ACTG1: variants seen among roughly 807,000 people sequenced by gnomAD.
The protein encoded by ACTG1 is actin, cytoplasmic 2.
Under a neutral mutation model 34.3 loss-of-function variants are expected in ACTG1, and 14 were observed. That is an observed-to-expected ratio of 0.41 (90% confidence interval 0.27 to 0.64). The LOEUF (loss-of-function observed/expected upper bound fraction) is 0.64, where lower values mean the gene tolerates loss of function less well. Ranked by LOEUF, ACTG1 falls within the 30% of genes least tolerant of loss-of-function variation. ACTG1 has a pLI of 0.33. For synonymous variants in ACTG1, 422 were observed against 213.9 expected, an observed-to-expected ratio of 1.97 and a Z score of -8.49; for missense variants, 233 against 529.5, an observed-to-expected ratio of 0.44 and a Z score of 5.50.
At position 81,511,333 on chromosome 17, in the gene ACTG1, G is replaced by C. The variant is rs782248094; in HGVS notation, c.657C>G (p.Val219=). Residue 219 remains valine, a synonymous_variant, in exon 4 of 6, where the codon GTC becomes GTG. Transcript: ENST00000573283. ...VRDIKEKLCY[V]ALDFEQEMAT... ...CCATCTCCTGCTCGAAGTCCAGGGC[G>C]ACGTAGCACAGCTTCTCCTTGATGT... 6.2e-7 allele frequency: 1 copy of C among 1,613,762 alleles called. No homozygotes were observed. The highest frequency in any genetic ancestry group is 1.3e-5 in the African/African-American group (1 of 74,938).
In ACTG1 at chr17:81,512,289, A is replaced by C. The variant is rs149682185; in HGVS notation, c.66T>G (p.Ala22=). 8.2e-5 allele frequency: 133 copies of C among 1,613,758 alleles called. No homozygotes were observed. The African/African-American group carries it at 1.6e-3, about 20-fold the overall frequency. Residue 22 remains alanine (A), a synonymous_variant, in exon 2 of 6, where the codon GCT becomes GCG. Transcript: ENST00000573283. The part of the protein sequence containing the change: ...NGSGMCKAGF[A]GDDAPRAVFP... ...ACACGGCTCGGGGAGCGTCGTCCCC[A>C]GCAAAACCAGCTTTGCACATGCCGG...
chr17:81,511,157 A>C, intron 4 of ACTG1, 31 bp downstream of exon 4: 1 of 1,613,738 alleles, frequency 6.2e-7, no homozygotes. Flanking sequence ...CGAGGATGTA[A>C]GAGTAGAAAC....
At chr17:81,511,158 G>GAGT in intron 4 of ACTG1, 30 bp downstream of exon 4, 1 of 1,613,756 alleles carries the variant, frequency 6.2e-7, no homozygotes, top group Non-Finnish European at 8.5e-7. Context: ...GAGGATGTAA[G>GAGT]AGTAGAAACC....
At position 81,510,612 on chromosome 17, in the gene ACTG1, G is replaced by GGT; in HGVS notation, c.*76_*77dup. 6.4e-7 allele frequency: 1 copy of GGT among 1,566,734 alleles called. No individual in the cohort carries two copies. The highest frequency in any genetic ancestry group is 1.4e-5 in the African/African-American group (1 of 74,012). On this transcript the variant is annotated 3_prime_UTR_variant, in exon 6 of 6. Transcript: ENST00000573283. ...TTCCAGTTTCGTGAGGCTAGCATGA[G>GGT]GTGTGTGCATTTGCCAGGGGCAAAT...
chr17:81,510,260 A>C lies in ACTG1; in HGVS notation c.*430T>G, dbSNP rs2031673146. 1.1e-5 allele frequency: 6 copies of C among 540,172 alleles called. No homozygotes were observed. The highest frequency in any genetic ancestry group is 1.9e-5 in the Non-Finnish European group (6 of 312,348). 33.5% of individuals were successfully genotyped at this position (540,172 alleles called of 1,614,324 possible). ...ACTTTCCAACCCTGACAGACCCGCA[A>C]GACAAAACAACTGGTTCTTGCCAGC... On this transcript the variant is annotated 3_prime_UTR_variant, in exon 6 of 6. Coordinates refer to ENST00000573283, the MANE Select transcript of ACTG1 (RefSeq NM_001614.5).
At chr17:81,511,159 A>G in intron 4 of ACTG1, 29 bp downstream of exon 4, 6 of 1,613,748 alleles carry the variant, frequency 3.7e-6, no homozygotes, top group Non-Finnish European at 4.2e-6. Context: ...AGGATGTAAG[A>G]GTAGAAACCT....
chr17:81,512,080 A>C lies in ACTG1; in HGVS notation c.186T>G (p.Arg62=). 6.2e-7 allele frequency: 1 copy of C among 1,613,920 alleles called. No homozygotes were observed. Among genetic ancestry groups the C allele is most frequent in the Non-Finnish European group, 8.5e-7 (1 of 1,180,016 alleles). ...TGGGGTACTTCAGGGTCAGGATGCCACGCTTGCTCTGGGCCTCGTCGCCCA... is the reference window on the plus strand; with the variant it reads ...TGGGGTACTTCAGGGTCAGGATGCCCCGCTTGCTCTGGGCCTCGTCGCCCA... ...SYVGDEAQSK[R]GILTLKYPIE... The change falls in exon 3 of 6, where the codon CGT becomes CGG. Residue 62 remains arginine, a synonymous_variant. Coordinates refer to ENST00000573283, the MANE Select transcript of ACTG1 (RefSeq NM_001614.5).
Position 81,511,039 on chromosome 17 carries a change from T to C in ACTG1, c.872A>G (p.Lys291Arg), listed in dbSNP as rs1568060667. Residue 291 changes from lysine (K) to arginine (R), a missense_variant, in exon 5 of 6, where the codon AAA becomes AGA. Lys to Arg is a conservative substitution (Grantham distance 26, BLOSUM62 2). Coordinates refer to ENST00000573283, the MANE Select transcript of ACTG1 (RefSeq NM_001614.5). ...CAGCACCGTGTTGGCGTACAGGTCT[T>C]TGCGGATGTCCACGTCACACTTCAT... is the stretch of plus-strand genomic sequence containing the variant. ...SIMKCDVDIR[K>R]DLYANTVLSG... 1 of 1,614,040 alleles carries C rather than the reference T, an allele frequency of 6.2e-7. No homozygotes were observed. The highest frequency in any genetic ancestry group is 8.5e-7 in the Non-Finnish European group (1 of 1,180,018).
chr17:81,510,837 C>CA lies in ACTG1; in HGVS notation c.985-5dup, dbSNP rs782289893. ...TGCGCTCTGGGGGTGCGATGATCTG[C>CA]AAAGACAGCCAGGCACGGCTTCAGC... On this transcript the variant is annotated splice_region_variant and splice_polypyrimidine_tract_variant and intron_variant, in intron 5 of 5. Coordinates refer to ENST00000573283, the MANE Select transcript of ACTG1 (RefSeq NM_001614.5). The CA allele has an allele frequency of 4.7e-5, 76 of 1,613,490 alleles. No individual in the cohort carries two copies. The Admixed American group carries it at 8.3e-4, about 18-fold the overall frequency.
Position 81,511,495 on chromosome 17 carries a change from G to A in ACTG1, c.495C>T (p.Ile165=), listed in dbSNP as rs1555666771. 9.3e-6 allele frequency: 15 copies of A among 1,613,790 alleles called. No homozygotes were observed. Among genetic ancestry groups the A allele is most frequent in the African/African-American group, 2.7e-5 (2 of 74,958 alleles). ...CGTGGGGGAGGGCGTAGCCCTCGTA[G>A]ATGGGCACCGTGTGGGTGACCCCGT... ...SGDGVTHTVP[I]YEGYALPHAI... Residue 165 remains isoleucine (I), a synonymous_variant, in exon 4 of 6, where the codon ATC becomes ATT. Coordinates refer to ENST00000573283, the MANE Select transcript of ACTG1 (RefSeq NM_001614.5).
rs1555666823 is a variant in ACTG1 at position 81,511,601 on chromosome 17, G to A, written c.389C>T (p.Pro130Leu). The A allele has an allele frequency of 1.9e-6, 3 of 1,613,502 alleles. No individual in the cohort carries two copies. Among genetic ancestry groups the A allele is most frequent in the Non-Finnish European group, 1.7e-6 (2 of 1,180,004 alleles). The change falls in exon 4 of 6, where the codon CCG (proline) becomes CTG (leucine). Residue 130 changes from proline to leucine, a missense_variant. By Grantham distance (98) the Pro-to-Leu change is moderately conservative. Coordinates refer to ENST00000573283, the MANE Select transcript of ACTG1 (RefSeq NM_001614.5). ...TQIMFETFNT[P>L]AMYVAIQAVL... ...GGCCTGGATGGCCACGTACATGGCC[G>A]GGGTGTTGAAGGTCTCAAACATAAT... is the stretch of plus-strand genomic sequence containing the variant.
Position 81,511,582 on chromosome 17 carries a change from G to A in ACTG1, c.408C>T (p.Ile136=), listed in dbSNP as rs782177303. ...AGGCGTAGAGGGACAGCACGGCCTG[G>A]ATGGCCACGTACATGGCCGGGGTGT... The part of the protein sequence containing the change: ...TFNTPAMYVA[I]QAVLSLYASG... The change falls in exon 4 of 6, where the codon ATC becomes ATT. Residue 136 remains isoleucine (I), a synonymous_variant. Coordinates refer to ENST00000573283, the MANE Select transcript of ACTG1 (RefSeq NM_001614.5). The A allele has an allele frequency of 3.1e-6, 5 of 1,613,818 alleles. No homozygotes were observed. The highest frequency in any genetic ancestry group is 1.7e-5 in the Admixed American group (1 of 60,032).
At chr17:81,511,787 CG>C in intron 3 of ACTG1, 115 bp downstream of exon 3, 1 of 1,570,890 alleles carries the variant, frequency 6.4e-7, no homozygotes, top group Non-Finnish European at 8.7e-7. Flanking sequence ...GAGGAAATGC[CG>C]GGAGAGGAAC....
chr17:81,512,675 C>G (rs1355259814), intron 1 of ACTG1, 59 bp downstream of exon 1: 2 of 404,704 alleles, frequency 4.9e-6, no homozygotes, highest in Non-Finnish European at 4.6e-6. Flanking sequence ...CGGGGCCAGC[C>G]GGGGTCGGGG....
At position 81,510,273 on chromosome 17, in the gene ACTG1, G is replaced by A. The variant is rs1239758312; in HGVS notation, c.*417C>T. ...GACAGACCCGCAAGACAAAACAACT[G>A]GTTCTTGCCAGCCTCTAGAGAAATC... On this transcript the variant is annotated 3_prime_UTR_variant, in exon 6 of 6. Coordinates refer to ENST00000573283, the MANE Select transcript of ACTG1 (RefSeq NM_001614.5). The A allele has an allele frequency of 3.9e-6, 2 of 509,176 alleles. No individual in the cohort carries two copies. Among genetic ancestry groups the A allele is most frequent in the African/African-American group, 2.0e-5 (1 of 50,156 alleles). 31.5% of individuals were successfully genotyped at this position (509,176 alleles called of 1,614,324 possible).
rs553335992 is a variant in ACTG1, at chr17:81,512,032, G to A, written c.234C>T (p.Asn78=). The A allele has an allele frequency of 5.9e-5, 96 of 1,614,068 alleles. 1 individual carries two copies. In the South Asian group the frequency reaches 8.5e-4, roughly 14 times the overall value. The change falls in exon 3 of 6, where the codon AAC becomes AAT. Residue 78 remains asparagine, a synonymous_variant. Transcript: ENST00000573283. ...KYPIEHGIVT[N]WDDMEKIWHH... The stretch of plus-strand genomic sequence containing the variant: ...GCCAGATCTTCTCCATGTCGTCCCA[G>A]TTGGTGACGATGCCATGCTCAATGG...
intron 1 of ACTG1, 21 bp from the exon 2 acceptor site, chr17:81,512,381 T>G (rs1472950683): frequency 2.0e-5 from 33 of 1,613,654 alleles, no homozygotes; most frequent in Non-Finnish European, 2.6e-5. Context: ...AAGGATGGAC[T>G]CAGGCGGGCG....
At chr17:81,512,485 G>C in intron 1 of ACTG1, 125 bp from the exon 2 acceptor site, 7 of 1,502,810 alleles carry the variant, frequency 4.7e-6, no homozygotes, top group East Asian at 2.3e-5. Context: ...TGGCCTCCAA[G>C]ATCGCAACCG....
In ACTG1 at chr17:81,510,906, GCCA is replaced by G. The variant is rs782820176; in HGVS notation, c.984+18_984+20del. The G allele has an allele frequency of 3.1e-6, 5 of 1,613,870 alleles. No individual in the cohort carries two copies. The highest frequency in any genetic ancestry group is 4.2e-6 in the Non-Finnish European group (5 of 1,179,958). On this transcript the variant is annotated intron_variant, in intron 5 of 5. Coordinates refer to ENST00000573283, the MANE Select transcript of ACTG1 (RefSeq NM_001614.5). Reference sequence around the variant, plus strand: ...TCAGCTCTCCCGAGCCAGGCAGAGGGCCACCAACCCCTCGACTCACCTTGATCT... The same window carrying G: ...TCAGCTCTCCCGAGCCAGGCAGAGGGCCAACCCCTCGACTCACCTTGATCT...
Sources: gnomAD v4.1 joint callset for allele counts on GRCh38, gnomAD v4.1.1 for gene constraint, MANE v1.5 for transcripts, NCBI Gene and HGNC (gene_info 2026-07-23, HGNC 2026-07-21) for gene names.